Variants in ST13 observed in about 807,000 individuals in gnomAD.
The protein encoded by ST13 is hsc70-interacting protein.
ST13 carries 23 observed loss-of-function variants against 56.7 expected under a neutral mutation model. The ratio of observed to expected loss-of-function variants is 0.41; its 90% confidence interval spans 0.29 to 0.57. The LOEUF (loss-of-function observed/expected upper bound fraction) is 0.57, where lower values mean the gene tolerates loss of function less well. Among genes scored for constraint, ST13 ranks in the 20% least tolerant of loss-of-function variants. The probability of loss-of-function intolerance (pLI) is 0.36; values close to 1 mark genes in which losing one functional copy is unlikely to be tolerated. For synonymous variants in ST13, 132 were observed against 142.4 expected (o/e 0.93, Z 0.52); for missense variants, 369 against 459.9 (o/e 0.80, Z 1.81).
At chr22:40,839,845 A>T (rs928848350) in intron 5 of ST13, among the ~76,000 whole-genome samples, 4 of 151,654 alleles carry the variant, frequency 2.6e-5, no homozygotes, top group South Asian at 4.2e-4. Context: ...GAGAGTTAAA[A>T]AAATAAATAT....
intron 11 of ST13, 105 bp downstream of exon 11, chr22:40,826,991 G>A: frequency 7.8e-7 from 1 of 1,279,320 alleles, no homozygotes. Context: ...TTTGGTAACT[G>A]TGATAAATAA....
intron 4 of ST13, 100 bp downstream of exon 4, chr22:40,844,739 C>A: frequency 1.0e-6 from 1 of 973,998 alleles, no homozygotes; most frequent in South Asian, 1.5e-5. Flanking sequence ...GAAAGATTTA[C>A]TATGCGCTTT....
At chr22:40,840,350 T>G (rs1310126384) in intron 5 of ST13, among the ~76,000 whole-genome samples, 2 of 151,926 alleles carry the variant, frequency 1.3e-5, no homozygotes, top group Non-Finnish European at 2.9e-5. Flanking sequence ...TTTTTTTTTT[T>G]TTAAAGCCTT....
chr22:40,826,954 TA>T, intron 11 of ST13, 141 bp downstream of exon 11: 1 of 1,029,566 alleles, frequency 9.7e-7, no homozygotes, highest in South Asian at 1.7e-5. Context: ...ATAAAGAAAA[TA>T]AATGTCACTC....
At chr22:40,842,504 G>T (rs1473408983) in intron 4 of ST13, among the ~76,000 whole-genome samples, 2 of 152,142 alleles carry the variant, frequency 1.3e-5, no homozygotes, top group East Asian at 3.9e-4. Context: ...AAAAACACAA[G>T]CATTCCAATT....
At chr22:40,832,545 T>C in intron 8 of ST13, 24 bp downstream of exon 8, 2 of 1,562,276 alleles carry the variant, frequency 1.3e-6, no homozygotes, top group Non-Finnish European at 1.8e-6. Context: ...ACTAATGACT[T>C]TCCCTTTCTC....
intron 1 of ST13, chr22:40,854,666 A>G (rs1392009680): frequency 6.6e-6 from 1 of 152,232 alleles, no homozygotes; most frequent in Non-Finnish European, 1.5e-5. Flanking sequence ...AAACAAAAAC[A>G]TTGTATCCAC....
chr22:40,856,329 C>G (rs1020412840), intron 1 of ST13, 102 bp downstream of exon 1: 5 of 1,015,552 alleles, frequency 4.9e-6, no homozygotes, highest in Non-Finnish European at 6.1e-6. Context: ...AAAGAAGGGG[C>G]AGCGACCCCG....
At chr22:40,836,800 T>C (rs544168350) in intron 5 of ST13, among the ~76,000 whole-genome samples, 11 of 152,334 alleles carry the variant, frequency 7.2e-5, no homozygotes, top group Admixed American at 7.2e-4. Flanking sequence ...GAAGAGTTCT[T>C]TGCACAAAGT....
At chr22:40,851,913 ATTTT>A (rs1601475083) in intron 1 of ST13, among the ~76,000 whole-genome samples, 1 of 151,930 alleles carries the variant, frequency 6.6e-6, no homozygotes, top group Non-Finnish European at 1.5e-5. Flanking sequence ...CACCCAGCTG[ATTTT>A]TTGTTTTAGT....
At chr22:40,844,953 T>C (rs2057823622) in intron 3 of ST13, 44 bp from the exon 4 acceptor site, 1 of 1,397,204 alleles carries the variant, frequency 7.2e-7, no homozygotes, top group African/African-American at 1.4e-5. Flanking sequence ...CACCGTACAA[T>C]ATAGTAGCCA....
intron 5 of ST13, 77 bp downstream of exon 5, chr22:40,840,549 C>A: frequency 7.6e-7 from 1 of 1,309,944 alleles, no homozygotes; most frequent in South Asian, 1.2e-5. Flanking sequence ...TGTAACTTCT[C>A]TTCTACTTTA....
intron 4 of ST13, among the ~76,000 whole-genome samples, chr22:40,842,843 G>C (rs1425044807): frequency 6.6e-6 from 1 of 152,170 alleles, no homozygotes; most frequent in Non-Finnish European, 1.5e-5. Flanking sequence ...ACTTACATTT[G>C]TTCTTAACAA....
rs779642938 is a variant in ST13 at position 40,844,920 on chromosome 22, C to T, written c.245-11G>A. ...CTTCTTTATCAATTTCTGCCAAAGT[C>T]GAGAAAATGACAATAAGACCTGCAC... On this transcript the variant is annotated splice_polypyrimidine_tract_variant and intron_variant, in intron 3 of 11. Coordinates refer to ENST00000216218, the MANE Select transcript of ST13 (RefSeq NM_003932.5). 26 of 1,607,996 alleles carry T rather than the reference C, an allele frequency of 1.6e-5. No individual in the cohort carries two copies. The highest frequency in any genetic ancestry group is 2.2e-5 in the South Asian group (2 of 90,244).
At chr22:40,840,823 A>G (rs1569002138) in intron 4 of ST13, 131 bp from the exon 5 acceptor site, 6 of 697,446 alleles carry the variant, frequency 8.6e-6, no homozygotes, top group South Asian at 3.9e-5. Flanking sequence ...CCAGAGAACA[A>G]AGAGACAATT....
intron 4 of ST13, among the ~76,000 whole-genome samples, chr22:40,841,303 A>C (rs2057803515): frequency 6.6e-6 from 1 of 151,874 alleles, no homozygotes; most frequent in Non-Finnish European, 1.5e-5. Context: ...TCAGGAAGTC[A>C]AGGCTGTAGT....
intron 4 of ST13, among the ~76,000 whole-genome samples, chr22:40,842,408 A>C (rs2057808841): frequency 6.6e-6 from 1 of 152,250 alleles, no homozygotes; most frequent in Non-Finnish European, 1.5e-5. Flanking sequence ...AATGTGTTTA[A>C]TAAAAGTAAA....
chr22:40,856,617 C>T lies in ST13; in HGVS notation c.-77G>A. The T allele has an allele frequency of 8.5e-7, 1 of 1,171,580 alleles. No individual in the cohort carries two copies. The highest frequency in any genetic ancestry group is 1.3e-6 in the Non-Finnish European group (1 of 788,878). 72.6% of individuals were successfully genotyped at this position (1,171,580 alleles called of 1,614,324 possible). On this transcript the variant is annotated 5_prime_UTR_variant, in exon 1 of 12. Coordinates refer to ENST00000216218, the MANE Select transcript of ST13 (RefSeq NM_003932.5). ...CAGGCGCTGGCTCGGCGTGACCGCG[C>T]AGAAGGGGGCGGCTGCCGCAAGACA...
At chr22:40,843,946 G>A (rs1026550992) in intron 4 of ST13, among the ~76,000 whole-genome samples, 6 of 150,754 alleles carry the variant, frequency 4.0e-5, no homozygotes, top group Non-Finnish European at 7.4e-5. Flanking sequence ...GCAGGGGTGC[G>A]ATCTCACCTC....
Sources: gnomAD v4.1 joint callset for allele counts (sites outside exome capture counted in the v4.1 genomes callset) on GRCh38, gnomAD v4.1.1 for gene constraint, MANE v1.5 for transcripts, NCBI Gene and HGNC (gene_info 2026-07-23, HGNC 2026-07-21) for gene names.